The following NEB variants were observed in gnomAD, a reference collection of about 807,000 sequenced individuals.
The protein encoded by NEB is nemaline myopathy type 2.
NEB carries 512 observed loss-of-function variants against 952.2 expected under a neutral mutation model. The observed-to-expected ratio is 0.54, with a 90% CI of 0.50 to 0.58. The LOEUF is 0.58. NEB is among the 20% of genes least tolerant of loss of function. NEB has a pLI of 0.00. For missense variants in NEB, 8,428 were observed against 9,231.1 expected (o/e 0.91, Z 3.56); for synonymous variants, 2,900 against 3,149.8 (o/e 0.92, Z 2.66).
At position 151,567,321 on chromosome 2, in the gene NEB, A is replaced by G. The variant is rs1428223666; in HGVS notation, c.18003T>C (p.Asn6001=). 6.2e-7 allele frequency: 1 copy of G among 1,613,782 alleles called. No homozygotes were observed. The highest frequency in any genetic ancestry group is 1.3e-5 in the African/African-American group (1 of 74,914). Residue 6001 remains asparagine, a synonymous_variant, in exon 114 of 182, where the codon AAT becomes AAC. Transcript: ENST00000397345. The part of the protein sequence containing the change: ...EDYHKTKAKI[N]IPADMVSVLA... ...AGACTGACACCATATCAGCAGGTAT[A>G]TTGATTTTGGCCTTTGTTTTGTGAT...
Position 151,553,908 on chromosome 2 carries a change from G to A in NEB, c.19546C>T (p.Leu6516=). ...QKKVSEIDYR[L]RLHEWICHPD... ...TGGCAAATCCATTCGTGGAGGCGCAGGCGGTAATCAATCTCACTGACTTTC... is the reference window on the plus strand; with the variant it reads ...TGGCAAATCCATTCGTGGAGGCGCAAGCGGTAATCAATCTCACTGACTTTC... The change falls in exon 126 of 182, where the codon CTG becomes TTG. Residue 6516 remains leucine (L), a synonymous_variant. Transcript: ENST00000397345. 3 of 1,613,920 alleles carry A rather than the reference G, an allele frequency of 1.9e-6. No homozygotes were observed. The highest frequency in any genetic ancestry group is 2.5e-6 in the Non-Finnish European group (3 of 1,179,810).
chr2:151,636,107 C>G (rs1174560337), intron 64 of NEB, 120 bp downstream of exon 64: 1 of 882,046 alleles, frequency 1.1e-6, no homozygotes, highest in Non-Finnish European at 1.7e-6. Flanking sequence ...TTGAAAAATC[C>G]TACACAAATA....
intron 139 of NEB, 64 bp downstream of exon 139, chr2:151,538,076 A>ATATATG (rs1307185121): frequency 2.6e-6 from 4 of 1,509,698 alleles, no homozygotes; most frequent in East Asian, 2.3e-5. Flanking sequence ...TTGCTAAAAA[A>ATATATG]TATATGTATA....
At chr2:151,714,750 T>C (rs1317445328) in intron 10 of NEB, among the ~76,000 whole-genome samples, 3 of 152,136 alleles carry the variant, frequency 2.0e-5, no homozygotes, top group African/African-American at 7.2e-5. Flanking sequence ...TTTTTATACT[T>C]TAAGTTCTAG....
Position 151,627,168 on chromosome 2 carries a change from A to G in NEB, c.10181T>C (p.Ile3394Thr), listed in dbSNP as rs376182104. Residue 3394 changes from isoleucine to threonine, a missense_variant, in exon 70 of 182, where the codon ATT becomes ACT. This residue lies in a region of NEB where 1,772 missense variants were observed against 1,960.3 expected (regional missense o/e 0.90). Coordinates refer to ENST00000397345, the MANE Select transcript of NEB (RefSeq NM_001164508.2). ...YKSDLQWLRG[I>T]GWVPIGSMDV... ...CATAGACCCAATGGGGACCCAGCCA[A>G]TGCCTCTCAGCCACTGGAGATCAGA... 3.3e-5 allele frequency: 53 copies of G among 1,613,866 alleles called. No homozygotes were observed. Among genetic ancestry groups the G allele is most frequent in the Admixed American group, 2.8e-4 (17 of 60,004 alleles).
chr2:151,604,676 T>G lies in NEB; in HGVS notation c.12943A>C (p.Lys4315Gln). The G allele has an allele frequency of 2.3e-6, 1 of 427,116 alleles. No individual in the cohort carries two copies. Among genetic ancestry groups the G allele is most frequent in the Non-Finnish European group, 3.8e-6 (1 of 260,144 alleles). 26.5% of individuals were successfully genotyped at this position (427,116 alleles called of 1,614,324 possible). The change falls in exon 85 of 182, where the codon AAA becomes CAA. Residue 4315 changes from lysine (K) to glutamine (Q), a missense_variant. Physicochemically the swap from Lys to Gln is moderately conservative, Grantham distance 53. Coordinates refer to ENST00000397345, the MANE Select transcript of NEB (RefSeq NM_001164508.2). ...ATGTCGCTAACCAGGACCTGGCATTTCTTGGCTTGAACAATTGACATCATG... is the reference window on the plus strand; with the variant it reads ...ATGTCGCTAACCAGGACCTGGCATTGCTTGGCTTGAACAATTGACATCATG... The part of the protein sequence containing the change: ...LDMMSIVQAK[K>Q]CQVLVSDIDY...
At position 151,653,945 on chromosome 2, in the gene NEB, T is replaced by C. The variant is rs368710945; in HGVS notation, c.6915+47A>G. Reference sequence around the variant, plus strand: ...AAATAGTTACCGACATTAAGTCACCTGATTCAGATAAAAATATAGCCTTAT... The same window carrying C: ...AAATAGTTACCGACATTAAGTCACCCGATTCAGATAAAAATATAGCCTTAT... On this transcript the variant is annotated intron_variant, in intron 52 of 181. Transcript: ENST00000397345. 7 of 1,260,706 alleles carry C rather than the reference T, an allele frequency of 5.6e-6. No individual in the cohort carries two copies. The African/African-American group carries it at 8.9e-5, about 16-fold the overall frequency. The allele number at this position is 1,260,706 out of a possible 1,614,324, so 78.1% of individuals were successfully genotyped here.
intron 124 of NEB, among the ~76,000 whole-genome samples, chr2:151,560,236 T>G (rs1450208183): frequency 6.6e-6 from 1 of 152,236 alleles, no homozygotes; most frequent in African/African-American, 2.4e-5. Flanking sequence ...GGTTTATTTT[T>G]GCCCTACATC....
chr2:151,583,983 T>C (rs904731114), intron 100 of NEB, among the ~76,000 whole-genome samples: 2 of 119,184 alleles, frequency 1.7e-5, no homozygotes, highest in African/African-American at 6.3e-5. Context: ...GGAGATGGTA[T>C]GGTGAACAAG....
At chr2:151,657,463 C>A (rs1183954520) in intron 48 of NEB, among the ~76,000 whole-genome samples, 1 of 152,166 alleles carries the variant, frequency 6.6e-6, no homozygotes, top group Non-Finnish European at 1.5e-5. Context: ...GCAGGGAAAG[C>A]CTCACTTTGT....
chr2:151,574,899 T>C (rs1157689614), intron 107 of NEB, among the ~76,000 whole-genome samples: 1 of 151,728 alleles, frequency 6.6e-6, no homozygotes, highest in Non-Finnish European at 1.5e-5. Context: ...GCCCAACTAA[T>C]TTATTTATTT....
At chr2:151,562,892 T>G (rs1577671506) in intron 119 of NEB, 84 bp from the exon 120 acceptor site, 1 of 832,244 alleles carries the variant, frequency 1.2e-6, no homozygotes, top group Admixed American at 2.2e-5. Context: ...TTATTTCCCA[T>G]ATAGATCAGT....
chr2:151,490,583 A>G, intron 179 of NEB, 65 bp from the exon 180 acceptor site: 1 of 1,541,852 alleles, frequency 6.5e-7, no homozygotes, highest in Non-Finnish European at 8.8e-7. Flanking sequence ...AATGCCTAAC[A>G]GTGATTGAAT....
intron 71 of NEB, among the ~76,000 whole-genome samples, chr2:151,624,654 T>G (rs767407755): frequency 2.0e-5 from 3 of 152,156 alleles, no homozygotes; most frequent in Non-Finnish European, 4.4e-5. Flanking sequence ...AGTAATAAAT[T>G]TGGTCATCTT....
At chr2:151,658,595 A>C (rs2099112020) in intron 47 of NEB, among the ~76,000 whole-genome samples, 1 of 152,186 alleles carries the variant, frequency 6.6e-6, no homozygotes, top group Non-Finnish European at 1.5e-5. Context: ...TAGGATGAAA[A>C]AGGAAATGAA....
intron 40 of NEB, among the ~76,000 whole-genome samples, chr2:151,666,624 T>C (rs2099221426): frequency 6.6e-6 from 1 of 152,226 alleles, no homozygotes; most frequent in South Asian, 2.1e-4. Context: ...ATAGTTTATA[T>C]TAATACTCTT....
Position 151,707,051 on chromosome 2 carries a change from G to A in NEB, c.1036-54C>T, listed in dbSNP as rs182975692. The A allele has an allele frequency of 5.2e-4, 603 of 1,159,902 alleles. 1 individual carries two copies. Among genetic ancestry groups the A allele is most frequent in the South Asian group, 1.1e-3 (74 of 70,046 alleles). The allele number at this position is 1,159,902 out of a possible 1,614,324, so 71.9% of individuals were successfully genotyped here. Reference sequence around the variant, plus strand: ...AACTCTATGGGTTATTTTTGCCCCCGTCTCTATTATGAATATGACATACTT... The same window carrying A: ...AACTCTATGGGTTATTTTTGCCCCCATCTCTATTATGAATATGACATACTT... On this transcript the variant is annotated intron_variant, in intron 12 of 181. Coordinates refer to ENST00000397345, the MANE Select transcript of NEB (RefSeq NM_001164508.2).
intron 121 of NEB, 112 bp downstream of exon 121, chr2:151,561,998 G>A: frequency 1.3e-6 from 1 of 796,042 alleles, no homozygotes; most frequent in South Asian, 1.6e-5. Context: ...GCTTTGGTCA[G>A]TTAGAGCCTA....
At position 151,667,803 on chromosome 2, in the gene NEB, C is replaced by T; in HGVS notation, c.4719+1G>A. On this transcript the variant is annotated splice_donor_variant, in intron 40 of 181. Coordinates refer to ENST00000397345, the MANE Select transcript of NEB (RefSeq NM_001164508.2). LOFTEE classifies it high-confidence loss of function. ...GTTTCCTACTTTTAAGTTAGACTTA[C>T]ATCACTAGCAATATTCCTTGAACTT... 1 of 1,610,044 alleles carries T rather than the reference C, an allele frequency of 6.2e-7. No homozygotes were observed. The highest frequency in any genetic ancestry group is 8.5e-7 in the Non-Finnish European group (1 of 1,177,040).
Sources: allele counts gnomAD v4.1 joint callset (sites outside exome capture counted in the v4.1 genomes callset), GRCh38; gene constraint gnomAD v4.1.1; regional missense constraint gnomAD v4.1.1; transcripts MANE v1.5; gene names NCBI Gene and HGNC (gene_info 2026-07-23, HGNC 2026-07-21).